SCRIB: variants seen among roughly 807,000 people sequenced by gnomAD.
The protein encoded by SCRIB is scribble planar cell polarity protein, also known as protein scribble homolog.
SCRIB carries 72 observed loss-of-function variants against 170.0 expected under a neutral mutation model. The observed-to-expected ratio is 0.42, with a 90% CI of 0.35 to 0.52. SCRIB has a LOEUF of 0.52. Ranked by LOEUF, SCRIB falls within the 20% of genes least tolerant of loss-of-function variation. The pLI, the probability that SCRIB is intolerant of heterozygous loss-of-function variation, is 0.02. For synonymous variants in SCRIB, 1,298 were observed against 1,044.3 expected (o/e 1.24, Z -4.68); for missense variants, 2,475 against 2,338.5 (o/e 1.06, Z -1.20).
chr8:143,793,828 C>A, intron 28 of SCRIB, 72 bp downstream of exon 28: 1 of 1,475,432 alleles, frequency 6.8e-7, no homozygotes, highest in South Asian at 1.2e-5. Context: ...GGAGGAGGGG[C>A]CCTGTGCACA....
At chr8:143,804,185 G>A (rs1554635788) in intron 21 of SCRIB, 29 bp from the exon 22 acceptor site, 4 of 1,521,704 alleles carry the variant, frequency 2.6e-6, no homozygotes, top group Admixed American at 3.6e-5. Context: ...ACAAGGACAG[G>A]CCTCGGTCAG....
intron 24 of SCRIB, among the ~76,000 whole-genome samples, chr8:143,798,979 A>T (rs939714270): frequency 2.0e-5 from 3 of 152,194 alleles, no homozygotes; most frequent in Non-Finnish European, 2.9e-5. Context: ...CTGCCTGATC[A>T]AGGGACATCA....
At position 143,813,900 on chromosome 8, in the gene SCRIB, T is replaced by C; in HGVS notation, c.278-4A>G. On this transcript the variant is annotated splice_polypyrimidine_tract_variant and splice_region_variant and intron_variant, in intron 2 of 36. Coordinates refer to ENST00000356994, the MANE Select transcript of SCRIB (RefSeq NM_182706.5). Reference sequence around the variant, plus strand: ...CTCTCCGGGATCTCAGGGATATCTGTCACAGAGGGTCACAGTGGACAGATG... The same window carrying C: ...CTCTCCGGGATCTCAGGGATATCTGCCACAGAGGGTCACAGTGGACAGATG... 1.2e-6 allele frequency: 2 copies of C among 1,606,514 alleles called. No individual in the cohort carries two copies. Among genetic ancestry groups the C allele is most frequent in the Non-Finnish European group, 1.7e-6 (2 of 1,175,046 alleles).
chr8:143,791,323 C>T lies in SCRIB; in HGVS notation c.4823-15G>A. The T allele has an allele frequency of 6.3e-7, 1 of 1,583,388 alleles. No homozygotes were observed. Among genetic ancestry groups the T allele is most frequent in the Non-Finnish European group, 8.6e-7 (1 of 1,164,582 alleles). On this transcript the variant is annotated splice_polypyrimidine_tract_variant and intron_variant, in intron 36 of 36. Transcript: ENST00000356994. ...CTCCTGCGGGCCTGGAGGGCAGGGACAGGTGGGCAGTGAGCTGAGGGCAGC... is the reference window on the plus strand; with the variant it reads ...CTCCTGCGGGCCTGGAGGGCAGGGATAGGTGGGCAGTGAGCTGAGGGCAGC...
Position 143,805,182 on chromosome 8 carries a change from C to T in SCRIB, c.2600G>A (p.Arg867His), listed in dbSNP as rs782216516. Reference sequence around the variant, plus strand: ...GCTGAAGCCCAGCCCCCTCTCGCTGCGTGCCAGGCAGGCCACGTGGCGCTG... The same window carrying T: ...GCTGAAGCCCAGCCCCCTCTCGCTGTGTGCCAGGCAGGCCACGTGGCGCTG... Reference protein sequence around the residue: ...LRQRHVACLARSERGLGFSIA... With the variant: ...LRQRHVACLAHSERGLGFSIA... The change falls in exon 19 of 37, where the codon CGC becomes CAC. Residue 867 changes from arginine (R) to histidine (H), a missense_variant. By Grantham distance (29) the Arg-to-His change is conservative (BLOSUM62 0). Transcript: ENST00000356994. 25 of 1,572,606 alleles carry T rather than the reference C, an allele frequency of 1.6e-5. No homozygotes were observed. The highest frequency in any genetic ancestry group is 2.3e-5 in the East Asian group (1 of 44,234).
intron 9 of SCRIB, among the ~76,000 whole-genome samples, chr8:143,811,606 T>C (rs1287314459): frequency 1.3e-5 from 2 of 152,024 alleles, no homozygotes; most frequent in Admixed American, 6.5e-5. Context: ...CCTGACCCTC[T>C]CCCATGGGTG....
At chr8:143,807,731 C>T (rs58557681) in intron 15 of SCRIB, 117 bp from the exon 16 acceptor site, 61,446 of 839,654 alleles carry the variant, frequency 0.073, 2,700 homozygotes, top group Non-Finnish European at 0.087. Context: ...CAAGCTCCCT[C>T]GACTGCCCTG....
chr8:143,791,822 A>AT (rs1554632748), intron 34 of SCRIB, 54 bp downstream of exon 34: 6 of 1,244,930 alleles, frequency 4.8e-6, no homozygotes, highest in Non-Finnish European at 6.4e-6. Flanking sequence ...GGCAGGCCAG[A>AT]CCCCACCCCC....
Position 143,795,343 on chromosome 8 carries a change from G to C in SCRIB, c.3715-10C>G, listed in dbSNP as rs1814896379. ...CAGGCAGCTCCTTCTCCTGTGAGCA[G>C]AGCAGAGCAGACCCGTCAGGCACCA... On this transcript the variant is annotated splice_polypyrimidine_tract_variant and intron_variant, in intron 25 of 36. Coordinates refer to ENST00000356994, the MANE Select transcript of SCRIB (RefSeq NM_182706.5). 6.2e-7 allele frequency: 1 copy of C among 1,612,708 alleles called. No homozygotes were observed. Among genetic ancestry groups the C allele is most frequent in the African/African-American group, 1.3e-5 (1 of 74,890 alleles).
At position 143,804,609 on chromosome 8, in the gene SCRIB, TG is replaced by T; in HGVS notation, c.2967del (p.Ser990AlafsTer72). ...CCTTCCAACGCGGCAGCCAGCAGGC[TG>T]GGGGCCAGGCTCGGCAACCCAGGCA... ...PGVPGLPSLA[P>X]SLLAAALEGP... On this transcript the variant is annotated frameshift_variant, in exon 21 of 37. Transcript: ENST00000356994. LOFTEE classifies it high-confidence loss of function. 6.6e-7 allele frequency: 1 copy of T among 1,519,926 alleles called. No individual in the cohort carries two copies. Among genetic ancestry groups the T allele is most frequent in the South Asian group, 1.3e-5 (1 of 78,384 alleles). The allele number at this position is 1,519,926 out of a possible 1,614,324, so 94.2% of individuals were successfully genotyped here. A position where few individuals can be genotyped will look rare whatever the true frequency, so the allele number is the denominator to read the frequency against.
chr8:143,798,672 C>T (rs914089171), intron 24 of SCRIB, among the ~76,000 whole-genome samples: 29 of 151,992 alleles, frequency 1.9e-4, no homozygotes, highest in African/African-American at 7.0e-4. Context: ...TAGTAAAAAC[C>T]CTACAATCTT....
intron 24 of SCRIB, among the ~76,000 whole-genome samples, chr8:143,798,736 A>G (rs1360635226): frequency 6.6e-6 from 1 of 152,162 alleles, no homozygotes; most frequent in Non-Finnish European, 1.5e-5. Context: ...TTCTGAAAAC[A>G]TCCACCTCTC....
Position 143,792,521 on chromosome 8 carries a change from T to C in SCRIB, c.4292A>G (p.Glu1431Gly). 1 of 1,556,276 alleles carries C rather than the reference T, an allele frequency of 6.4e-7. No individual in the cohort carries two copies. The highest frequency in any genetic ancestry group is 8.6e-7 in the Non-Finnish European group (1 of 1,157,556). Residue 1431 changes from glutamate (E) to glycine (G), a missense_variant, in exon 31 of 37, where the codon GAG becomes GGG. By Grantham distance (98) the Glu-to-Gly change is moderately conservative. Transcript: ENST00000356994. ...ETLGEEEQEDEQPPWASPSPT... is the reference protein window; with the variant it reads ...ETLGEEEQEDGQPPWASPSPT... Reference sequence around the variant, plus strand: ...GCTCGGGCTGGCCCAGGGTGGCTGCTCATCCTCCTGTTCCTCCTCGCCCAG... The same window carrying C: ...GCTCGGGCTGGCCCAGGGTGGCTGCCCATCCTCCTGTTCCTCCTCGCCCAG...
Position 143,804,640 on chromosome 8 carries a change from G to C in SCRIB, c.2937C>G (p.Pro979=). Residue 979 remains proline, a synonymous_variant, in exon 21 of 37, where the codon CCC becomes CCG. Transcript: ENST00000356994. ...CCAGGCTCGGCAACCCAGGCACCCCGGGGGTGGCAGTGGTTATGCTGGTGG... is the reference window on the plus strand; with the variant it reads ...CCAGGCTCGGCAACCCAGGCACCCCCGGGGTGGCAGTGGTTATGCTGGTGG... The part of the protein sequence containing the change: ...VATTSITTAT[P]GVPGLPSLAP... 1.3e-6 allele frequency: 2 copies of C among 1,535,502 alleles called. No homozygotes were observed. The highest frequency in any genetic ancestry group is 1.8e-6 in the Non-Finnish European group (2 of 1,140,868).
intron 24 of SCRIB, among the ~76,000 whole-genome samples, chr8:143,799,461 G>A (rs1465089037): frequency 1.3e-5 from 2 of 152,254 alleles, no homozygotes; most frequent in African/African-American, 2.4e-5. Flanking sequence ...CAGCAGGGCC[G>A]AGGGGGAGGT....
chr8:143,795,443 G>C lies in SCRIB; in HGVS notation c.3691C>G (p.Leu1231Val). The change falls in exon 25 of 37, where the codon CTG becomes GTG. Residue 1231 changes from leucine (L) to valine (V), a missense_variant. By Grantham distance (32) the Leu-to-Val change is conservative. Transcript: ENST00000356994. The part of the protein sequence containing the change: ...LESISSIDRE[L>V]SPEGPGKEKE... ...ACCTTGCCTGGGCCCTCAGGGCTCA[G>C]CTCCCGGTCGATGGAAGAGATGCTC... The C allele has an allele frequency of 6.2e-7, 1 of 1,613,204 alleles. No individual in the cohort carries two copies. The highest frequency in any genetic ancestry group is 8.5e-7 in the Non-Finnish European group (1 of 1,179,802).
In SCRIB at chr8:143,804,087, G is replaced by A. The variant is rs782658087; in HGVS notation, c.3079C>T (p.His1027Tyr). Residue 1027 changes from histidine (H) to tyrosine (Y), a missense_variant, in exon 22 of 37, where the codon CAC (histidine) becomes TAC (tyrosine). Physicochemically the swap from His to Tyr is moderately conservative, Grantham distance 83. This residue lies in a region of SCRIB where 1,966 missense variants were observed against 1,742.9 expected (regional missense o/e 1.13). Coordinates refer to ENST00000356994, the MANE Select transcript of SCRIB (RefSeq NM_182706.5). ...SIVGGSDHSS[H>Y]PFGVQEPGVF... ...CCAGGCTCCTGGACACCAAACGGGT[G>A]GCTGGAATGGTCGGAGCCTCCGACA... is the stretch of plus-strand genomic sequence containing the variant. The A allele has an allele frequency of 3.7e-6, 6 of 1,612,632 alleles. No homozygotes were observed. The South Asian group carries it at 5.5e-5, about 15-fold the overall frequency.
At chr8:143,798,249 C>T (rs1313571968) in intron 24 of SCRIB, among the ~76,000 whole-genome samples, 1 of 151,712 alleles carries the variant, frequency 6.6e-6, no homozygotes, top group Non-Finnish European at 1.5e-5. Flanking sequence ...GAGTGAGACT[C>T]CGTCTCAAAA....
chr8:143,815,005 C>T (rs961540207), intron 1 of SCRIB: 22 of 542,002 alleles, frequency 4.1e-5, no homozygotes, highest in Non-Finnish European at 6.2e-5. Context: ...CAATCGCTAT[C>T]CCCAGGCAAG....
Sources: gnomAD v4.1 joint callset for allele counts (sites outside exome capture counted in the v4.1 genomes callset) on GRCh38, gnomAD v4.1.1 for gene constraint, gnomAD v4.1.1 regional missense constraint, MANE v1.5 for transcripts, NCBI Gene and HGNC (gene_info 2026-07-23, HGNC 2026-07-21) for gene names.